ZNF333: variants seen among roughly 807,000 people sequenced by gnomAD.
ZNF333 encodes zinc finger protein 333.
A neutral mutation model predicts 76.1 loss-of-function variants in ZNF333; 61 were observed. The ratio of observed to expected loss-of-function variants is 0.80; its 90% CI spans 0.65 to 0.99. ZNF333 has a LOEUF of 0.99. Ranked by LOEUF, ZNF333 falls within the 50% of genes least tolerant of loss-of-function variation. The pLI is 0.00. For synonymous variants in ZNF333, 284 were observed against 305.0 expected, an observed-to-expected ratio of 0.93 and a Z score of 0.72; for missense variants, 717 against 822.4, an observed-to-expected ratio of 0.87 and a Z score of 1.57.
In ZNF333 at chr19:14,695,107, A is replaced by G; in HGVS notation, c.101A>G (p.Asp34Gly). 6.2e-7 allele frequency: 1 copy of G among 1,613,976 alleles called. No individual in the cohort carries two copies. Among genetic ancestry groups the G allele is most frequent in the Non-Finnish European group, 8.5e-7 (1 of 1,179,920 alleles). Residue 34 changes from aspartate (D) to glycine (G), a missense_variant, in exon 3 of 12, where the codon GAC (aspartate) becomes GGC (glycine). Asp to Gly is a moderately conservative substitution (Grantham distance 94). Transcript: ENST00000292530. The stretch of plus-strand genomic sequence containing the variant: ...AGCCTGTGCAAATACAGGATGCTTG[A>G]CCAGTGCAGGACCCTGGCCTCCAGG... ...RRSLCKYRML[D>G]QCRTLASRGT...
intron 5 of ZNF333, among the ~76,000 whole-genome samples, chr19:14,704,210 C>T (rs2042045680): frequency 6.6e-6 from 1 of 152,042 alleles, no homozygotes; most frequent in African/African-American, 2.4e-5. Context: ...GCCTCGAGAC[C>T]CTCGGTGGTA....
At chr19:14,692,605 C>T (rs148295194) in intron 1 of ZNF333, among the ~76,000 whole-genome samples, 26 of 152,204 alleles carry the variant, frequency 1.7e-4, no homozygotes, top group Middle Eastern at 3.4e-3. Context: ...CTCCACCTCC[C>T]GGGTTCCAGC....
chr19:14,698,247 G>A (rs1169485894), intron 4 of ZNF333, among the ~76,000 whole-genome samples: 6 of 152,028 alleles, frequency 3.9e-5, no homozygotes, highest in African/African-American at 1.2e-4. Flanking sequence ...GGTGGTGCGC[G>A]CCTGTAATCC....
intron 2 of ZNF333, among the ~76,000 whole-genome samples, chr19:14,694,483 GAAAAA>G (rs5827252): frequency 6.7e-6 from 1 of 149,268 alleles, no homozygotes; most frequent in Non-Finnish European, 1.5e-5. Flanking sequence ...AAAAAAAAAA[GAAAAA>G]AAGAAAAAGA....
At chr19:14,694,019 G>T (rs1437085294) in intron 2 of ZNF333, among the ~76,000 whole-genome samples, 2 of 149,788 alleles carry the variant, frequency 1.3e-5, no homozygotes, top group Non-Finnish European at 3.0e-5. Flanking sequence ...AAAAGTTTAA[G>T]CGCTCAGTTT....
intron 4 of ZNF333, among the ~76,000 whole-genome samples, chr19:14,698,497 A>T (rs2146959933): frequency 6.6e-6 from 1 of 151,922 alleles, no homozygotes. Context: ...GTGAGCCAAG[A>T]TCGCACCACT....
exon 12 of ZNF333, chr19:14,731,442 T>A: frequency 1.9e-6 from 1 of 518,544 alleles, no homozygotes; most frequent in East Asian, 3.2e-5. Context: ...CTAAGGCCTG[T>A]GTGGGTCTTT....
chr19:14,718,671 G>C lies in ZNF333; in HGVS notation c.1344G>C (p.Lys448Asn). The C allele has an allele frequency of 6.2e-7, 1 of 1,614,014 alleles. No homozygotes were observed. Among genetic ancestry groups the C allele is most frequent in the Non-Finnish European group, 8.5e-7 (1 of 1,180,038 alleles). Residue 448 changes from lysine to asparagine, a missense_variant, in exon 12 of 12, where the codon AAG becomes AAC. Lys to Asn is a moderately conservative substitution (Grantham distance 94). Transcript: ENST00000292530. ...ACCAGAGAAACCACACAGGAGAGAA[G>C]CCCTACGAGTGTAAAGATTGTGGGA... is the stretch of plus-strand genomic sequence containing the variant. ...ILHQRNHTGE[K>N]PYECKDCGKA...
At chr19:14,698,921 T>A (rs201789346) in intron 4 of ZNF333, among the ~76,000 whole-genome samples, 1 of 81,634 alleles carries the variant, frequency 1.2e-5, no homozygotes, top group African/African-American at 4.2e-5. Context: ...TATATATATA[T>A]ATATATATAT....
rs755072728 is a variant in ZNF333 at position 14,718,875 on chromosome 19, G to C, written c.1548G>C (p.Arg516=). The C allele has an allele frequency of 4.1e-5, 66 of 1,614,048 alleles. No individual in the cohort carries two copies. Among genetic ancestry groups the C allele is most frequent in the Middle Eastern group, 1.6e-4 (1 of 6,080 alleles). The part of the protein sequence containing the change: ...YECNQCGKPF[R]TSTHLNVHKR... ...GCAACCAGTGTGGCAAGCCCTTCCG[G>C]ACGAGCACTCATCTGAACGTGCACA... The change falls in exon 12 of 12, where the codon CGG becomes CGC. Residue 516 remains arginine, a synonymous_variant. Coordinates refer to ENST00000292530, the MANE Select transcript of ZNF333 (RefSeq NM_032433.4).
chr19:14,704,246 T>G (rs889871066), intron 5 of ZNF333, among the ~76,000 whole-genome samples: 2 of 151,754 alleles, frequency 1.3e-5, no homozygotes, highest in Non-Finnish European at 2.9e-5. Flanking sequence ...AGGTGGGGAG[T>G]AGTTACTAGG....
intron 6 of ZNF333, chr19:14,706,174 C>A: frequency 2.2e-6 from 1 of 457,448 alleles, no homozygotes; most frequent in South Asian, 1.5e-5. Flanking sequence ...CTGACAGGCA[C>A]CTGGGCTCCA....
chr19:14,721,280 C>CTTTTTTTTTTTTTTTTTTTTTTT lies in ZNF333; in HGVS notation c.*1958_*1980dup, dbSNP rs56066058. Reference sequence around the variant, plus strand: ...GGACTAGTCTCCATTTTTACTTGTTCTTTTTTTTTTTTTTTTTTTTTTTTT... The same window carrying CTTTTTTTTTTTTTTTTTTTTTTT: ...GGACTAGTCTCCATTTTTACTTGTTCTTTTTTTTTTTTTTTTTTTTTTTTTTTTTTTTTTTTTTTTTTTTTTTT... On this transcript the variant is annotated 3_prime_UTR_variant, in exon 12 of 12. Transcript: ENST00000292530. 1.1e-5 allele frequency: 1 copy of CTTTTTTTTTTTTTTTTTTTTTTT among 87,862 alleles called. No homozygotes were observed. The highest frequency in any genetic ancestry group is 2.1e-5 in the Non-Finnish European group (1 of 47,640). 5.4% of individuals were successfully genotyped at this position (87,862 alleles called of 1,614,324 possible). A position where few individuals can be genotyped will look rare whatever the true frequency, so the allele number is the denominator to read the frequency against.
chr19:14,702,028 C>A, intron 5 of ZNF333: 1 of 375,044 alleles, frequency 2.7e-6, no homozygotes, highest in Non-Finnish European at 3.7e-6. Context: ...GGTAGCCCTT[C>A]CAGGCCATGC....
downstream of ZNF333, among the ~76,000 whole-genome samples, chr19:14,724,732 C>T (rs2042623548): frequency 6.6e-6 from 1 of 152,316 alleles, no homozygotes; most frequent in South Asian, 2.1e-4. Flanking sequence ...TGCCATTGCA[C>T]TCCAGCCTGG....
chr19:14,717,926 T>A (rs527376036), intron 11 of ZNF333, among the ~76,000 whole-genome samples, 193 bp downstream of exon 11: 1 of 152,332 alleles, frequency 6.6e-6, no homozygotes, highest in Admixed American at 6.5e-5. Flanking sequence ...ATCATGTTCG[T>A]ACAAGTAAGC....
In ZNF333 at chr19:14,699,198, GC is replaced by G; in HGVS notation, c.225del (p.Trp76GlyfsTer33). On this transcript the variant is annotated frameshift_variant and splice_region_variant, in exon 5 of 12. Transcript: ENST00000292530. LOFTEE classifies it high-confidence loss of function. ...TTCATTTTTTCTCCCATTCATTTCA[GC>G]CTGGGAATCTCAACTTAAACCCGAA... Reference protein sequence around the residue: ...ERGILRATGVAWESQLKPEEL... With the variant: ...ERGILRATGVXWESQLKPEEL... The G allele has an allele frequency of 6.2e-7, 1 of 1,612,714 alleles. No individual in the cohort carries two copies. The highest frequency in any genetic ancestry group is 1.1e-5 in the South Asian group (1 of 90,988).
chr19:14,707,908 T>A (rs1190833613), intron 7 of ZNF333: 4 of 400,794 alleles, frequency 1.0e-5, no homozygotes, highest in East Asian at 3.6e-5. Flanking sequence ...TCTGTTTTCT[T>A]CTTGACAGGG....
chr19:14,710,420 G>T (rs1016416585), intron 7 of ZNF333, among the ~76,000 whole-genome samples: 28 of 152,208 alleles, frequency 1.8e-4, no homozygotes, highest in Non-Finnish European at 7.3e-5. Context: ...CCACTAGGAG[G>T]ACTCACAGGA....
Sources: gnomAD v4.1 joint callset for allele counts (sites outside exome capture counted in the v4.1 genomes callset) on GRCh38, gnomAD v4.1.1 for gene constraint, MANE v1.5 for transcripts, NCBI Gene and HGNC (gene_info 2026-07-23, HGNC 2026-07-21) for gene names.